The following HERC2 variants were observed in gnomAD, a reference collection of about 807,000 sequenced individuals.
The protein encoded by HERC2 is E3 ubiquitin-protein ligase HERC2.
In HERC2, 102 loss-of-function variants were observed where a neutral mutation model predicts 537.7. That is an observed-to-expected ratio of 0.19 (90% CI 0.16 to 0.22). HERC2 has a LOEUF of 0.22. Among genes scored for constraint, HERC2 ranks in the 10% least tolerant of loss-of-function variants. HERC2 has a pLI of 1.00. For synonymous variants in HERC2, 2,224 were observed against 2,466.2 expected, an observed-to-expected ratio of 0.90 and a Z score of 2.91; for missense variants, 4,236 against 6,198.2, an observed-to-expected ratio of 0.68 and a Z score of 10.63.
chr15:28,160,034 G>C (rs894351303), intron 69 of HERC2, among the ~76,000 whole-genome samples: 1 of 152,226 alleles, frequency 6.6e-6, no homozygotes, highest in African/African-American at 2.4e-5. Flanking sequence ...AGCAGCGGAG[G>C]CTGCAGAACA....
intron 2 of HERC2, among the ~76,000 whole-genome samples, chr15:28,317,249 CCTGA>C (rs1270077261): frequency 6.6e-6 from 1 of 152,162 alleles, no homozygotes; most frequent in Admixed American, 6.5e-5. Context: ...CACTACCACG[CCTGA>C]CTCTTTTGTA....
At chr15:28,276,715 C>T (rs555755146) in intron 5 of HERC2, among the ~76,000 whole-genome samples, 1 of 149,826 alleles carries the variant, frequency 6.7e-6, no homozygotes, top group Non-Finnish European at 1.5e-5. Context: ...CTGGCCTGGG[C>T]GACAAAGCGA....
rs751462136 is a variant in HERC2 at position 28,177,131 on chromosome 15, C to T, written c.9255-4G>A. The stretch of plus-strand genomic sequence containing the variant: ...CAGCCTTGGTTTGTCACAGTTCCTA[C>T]AACAAGATGAAATCAGCTCTCTACA... On this transcript the variant is annotated splice_polypyrimidine_tract_variant and splice_region_variant and intron_variant, in intron 60 of 92. Coordinates refer to ENST00000261609, the MANE Select transcript of HERC2 (RefSeq NM_004667.6). This position sits in a 1 kb window ranked among gnomAD's most constrained non-coding sequence, Gnocchi z 5.0. 1 of 1,608,110 alleles carries T rather than the reference C, an allele frequency of 6.2e-7. No homozygotes were observed. The highest frequency in any genetic ancestry group is 1.7e-5 in the Admixed American group (1 of 59,578).
Position 28,201,549 on chromosome 15 carries a change from A to G in HERC2, c.7623T>C (p.Thr2541=). Residue 2541 remains threonine (T), a synonymous_variant, in exon 48 of 93, where the codon ACT becomes ACC. Transcript: ENST00000261609. The stretch of plus-strand genomic sequence containing the variant: ...TCTGGCTCTCCGTCACAACAGCACC[A>G]GTAGACTGCAAGAAATAAATACATT... ...DVDDAAYSMS[T]GAVVTESQTY... is the part of the protein sequence containing the mutation. The G allele has an allele frequency of 6.2e-7, 1 of 1,608,140 alleles. No individual in the cohort carries two copies. Among genetic ancestry groups the G allele is most frequent in the Non-Finnish European group, 8.5e-7 (1 of 1,174,558 alleles).
At chr15:28,164,900 T>C (rs376557986) in intron 68 of HERC2, among the ~76,000 whole-genome samples, 1 of 152,226 alleles carries the variant, frequency 6.6e-6, no homozygotes, top group South Asian at 2.1e-4. Context: ...AATTCATAAA[T>C]AGAGGCTTTC....
Position 28,246,839 on chromosome 15 carries a change from C to A in HERC2, c.3294G>T (p.Thr1098=), listed in dbSNP as rs761589710. The A allele has an allele frequency of 2.5e-6, 4 of 1,611,736 alleles. No homozygotes were observed. The highest frequency in any genetic ancestry group is 3.4e-6 in the Non-Finnish European group (4 of 1,179,028). The change falls in exon 22 of 93, where the codon ACG becomes ACT. Residue 1098 remains threonine, a synonymous_variant. Transcript: ENST00000261609. ...LLKKYTALLC[T]HIGDILPVAA... ...CCACAGGCAGTATATCTCCAATGTG[C>A]GTGCACAGGAGGGCTGTGTACTTCT...
chr15:28,185,698 C>T (rs1896242663), intron 56 of HERC2, among the ~76,000 whole-genome samples: 1 of 152,194 alleles, frequency 6.6e-6, no homozygotes, highest in Admixed American at 6.5e-5. Flanking sequence ...CCTTGCCTGT[C>T]CACTTTGTTT....
rs113748196 is a variant in HERC2 at position 28,244,202 on chromosome 15, G to A, written c.3577+1679C>T. On this transcript the variant is annotated intron_variant, in intron 23 of 92. Coordinates refer to ENST00000261609, the MANE Select transcript of HERC2 (RefSeq NM_004667.6). ...AACATATTTACTTTAACCTAAACCT[G>A]GAAACAACTTACATTTCCATCAACA... 7.7e-3 allele frequency among the ~76,000 whole-genome samples: 1,171 copies of A among 152,136 alleles called. 21 individuals carry two copies. The highest frequency in any genetic ancestry group is 0.027 in the African/African-American group (1,113 of 41,480).
chr15:28,229,397 T>C lies in HERC2; in HGVS notation c.5121-51A>G, dbSNP rs773375566. 9.3e-6 allele frequency: 15 copies of C among 1,613,644 alleles called. No individual in the cohort carries two copies. In the Admixed American group the frequency reaches 2.5e-4, roughly 27 times the overall value. On this transcript the variant is annotated intron_variant, in intron 33 of 92. Transcript: ENST00000261609. Reference sequence around the variant, plus strand: ...ACTTGGGACACTGCCAGACTTCTGTTACAGAACAACATTTTGTTGCCATAG... The same window carrying C: ...ACTTGGGACACTGCCAGACTTCTGTCACAGAACAACATTTTGTTGCCATAG...
In HERC2 at chr15:28,112,148, C is replaced by A. The variant is rs537664910; in HGVS notation, c.14233-113G>T. On this transcript the variant is annotated intron_variant, in intron 92 of 92. Transcript: ENST00000261609. ...ACCATATTTTTTGCTAAGAACAAAA[C>A]AGCAGAAAACATAATCCAAACAACT... The A allele has an allele frequency of 6.1e-5, 61 of 997,348 alleles. No homozygotes were observed. In the African/African-American group the frequency reaches 9.0e-4, roughly 15 times the overall value. The allele number at this position is 997,348 out of a possible 1,614,324, so 61.8% of individuals were successfully genotyped here.
intron 55 of HERC2, among the ~76,000 whole-genome samples, chr15:28,189,984 C>T (rs1896675828): frequency 6.7e-6 from 1 of 150,264 alleles, no homozygotes; most frequent in African/African-American, 2.4e-5. Flanking sequence ...ATACATAGTA[C>T]AAAAATATCT....
At chr15:28,231,934 G>A (rs993883430) in intron 30 of HERC2, among the ~76,000 whole-genome samples, 1 of 151,994 alleles carries the variant, frequency 6.6e-6, no homozygotes, top group Non-Finnish European at 1.5e-5. Flanking sequence ...CAGAACCCAC[G>A]GATATGAGAT....
intron 32 of HERC2, 23 bp from the exon 33 acceptor site, chr15:28,229,619 G>A: frequency 6.3e-7 from 1 of 1,598,316 alleles, no homozygotes; most frequent in Non-Finnish European, 8.6e-7. Flanking sequence ...AATGCATACA[G>A]TTAAGTGTTA....
At chr15:28,135,812 G>C (rs1890575052) in intron 78 of HERC2, 120 bp from the exon 79 acceptor site, 2 of 719,150 alleles carry the variant, frequency 2.8e-6, no homozygotes, top group South Asian at 4.0e-5. Flanking sequence ...AAAATTTAAA[G>C]TTAAAAATCT....
intron 79 of HERC2, 142 bp downstream of exon 79, chr15:28,135,336 C>T (rs1173220379): frequency 1.3e-5 from 9 of 690,978 alleles, no homozygotes; most frequent in Non-Finnish European, 2.3e-5. Flanking sequence ...ACTATTTCTG[C>T]CAAATGAGTC....
intron 57 of HERC2, 67 bp from the exon 58 acceptor site, chr15:28,179,290 T>C: frequency 1.7e-6 from 2 of 1,189,556 alleles, no homozygotes; most frequent in Non-Finnish European, 2.4e-6. Context: ...TAAAATTATG[T>C]TACCTTATTA....
chr15:28,304,165 CAAAAAAAAAA>C (rs779514776), intron 2 of HERC2, among the ~76,000 whole-genome samples: 9 of 63,818 alleles, frequency 1.4e-4, no homozygotes, highest in African/African-American at 4.4e-4. Context: ...GACTCCATCT[CAAAAAAAAAA>C]AAAAAAAAAA....
intron 20 of HERC2, among the ~76,000 whole-genome samples, chr15:28,251,175 G>A (rs2075065088): frequency 6.6e-6 from 1 of 152,180 alleles, no homozygotes; most frequent in Non-Finnish European, 1.5e-5. Context: ...AGGTGCAGTG[G>A]CTCACACCTG....
Position 28,254,458 on chromosome 15 carries a change from C to T in HERC2, c.2932G>A (p.Ala978Thr), listed in dbSNP as rs750158226. The change falls in exon 20 of 93, where the codon GCC (alanine) becomes ACC (threonine). Residue 978 changes from alanine (A) to threonine (T), a missense_variant. By Grantham distance (58) the Ala-to-Thr change is moderately conservative. Coordinates refer to ENST00000261609, the MANE Select transcript of HERC2 (RefSeq NM_004667.6). ...GTCCTGCTTCTATGAAATGTTGAGG[C>T]ATTCGCTTCCTGTTCATCAATTTCT... Reference protein sequence around the residue: ...EKEIDEQEANASTFHRSRTPL... With the variant: ...EKEIDEQEANTSTFHRSRTPL... The T allele has an allele frequency of 1.2e-6, 2 of 1,605,634 alleles. No homozygotes were observed. The highest frequency in any genetic ancestry group is 1.1e-5 in the South Asian group (1 of 88,778).
Sources: allele counts gnomAD v4.1 joint callset (sites outside exome capture counted in the v4.1 genomes callset), GRCh38; gene constraint gnomAD v4.1.1; non-coding constraint Gnocchi (gnomAD v3.1); transcripts MANE v1.5; gene names NCBI Gene and HGNC (gene_info 2026-07-23, HGNC 2026-07-21).